Variants in CSNK2A2 observed in about 807,000 individuals in gnomAD.
CSNK2A2 encodes the protein casein kinase 2 alpha 2.
Under a neutral mutation model 54.0 loss-of-function variants are expected in CSNK2A2, and 8 were observed. The observed-to-expected ratio is 0.15, with a 90% CI of 0.09 to 0.27. The LOEUF (loss-of-function observed/expected upper bound fraction) is 0.27, where lower values mean the gene tolerates loss of function less well. Among genes scored for constraint, CSNK2A2 ranks in the 10% least tolerant of loss-of-function variants. The pLI, the probability that CSNK2A2 is intolerant of heterozygous loss-of-function variation, is 1.00. For synonymous variants in CSNK2A2, 141 were observed against 153.9 expected (o/e 0.92, Z 0.62); for missense variants, 242 against 439.4 (o/e 0.55, Z 4.02).
chr16:58,182,391 A>AAC (rs1555506376), intron 4 of CSNK2A2, among the ~76,000 whole-genome samples: 1 of 145,284 alleles, frequency 6.9e-6, no homozygotes. Context: ...AAAAAAAAAA[A>AAC]AAAAAAAAAA....
chr16:58,197,612 G>A lies in CSNK2A2; in HGVS notation c.104+21C>T. On this transcript the variant is annotated intron_variant, in intron 1 of 11. Transcript: ENST00000262506. The surrounding 1 kb of genome is among the most constrained non-coding windows in gnomAD (Gnocchi z 4.0). ...GGGGGCAGGGATCAGCGGGCCCGGC[G>A]GGGGGCGGCGACGGCTTTACCCCCA... 6.6e-7 allele frequency: 1 copy of A among 1,508,180 alleles called. No individual in the cohort carries two copies. Among genetic ancestry groups the A allele is most frequent in the Middle Eastern group, 2.1e-4 (1 of 4,706 alleles). The allele number at this position is 1,508,180 out of a possible 1,614,324, so 93.4% of individuals were successfully genotyped here.
At chr16:58,183,541 G>C (rs1244655242) in intron 4 of CSNK2A2, among the ~76,000 whole-genome samples, 1 of 152,014 alleles carries the variant, frequency 6.6e-6, no homozygotes, top group African/African-American at 2.4e-5. Flanking sequence ...TCAACTACAA[G>C]TCCTCCAAGT....
At position 58,197,729 on chromosome 16, in the gene CSNK2A2, C is replaced by A; in HGVS notation, c.8G>T (p.Gly3Val). The change falls in exon 1 of 12, where the codon GGC (glycine) becomes GTC (valine). Residue 3 changes from glycine (G) to valine (V), a missense_variant. Gly to Val is a moderately radical substitution (Grantham distance 109, BLOSUM62 -3). This residue lies in a region of CSNK2A2 where 48 missense variants were observed against 55.4 expected (regional missense o/e 0.87). Transcript: ENST00000262506. The surrounding 1 kb of genome is among the most constrained non-coding windows in gnomAD (Gnocchi z 4.0). ...CCGGGCCCTGCTGCCCGCGGCCGGG[C>A]CGGGCATGGCGGGCGGGACCGGGGG... MP[G>V]PAAGSRARVY... The A allele has an allele frequency of 1.4e-6, 2 of 1,439,368 alleles. No individual in the cohort carries two copies. Among genetic ancestry groups the A allele is most frequent in the Admixed American group, 2.5e-5 (1 of 40,382 alleles). 89.2% of individuals were successfully genotyped at this position (1,439,368 alleles called of 1,614,324 possible). A position where few individuals can be genotyped will look rare whatever the true frequency, so the allele number is the denominator to read the frequency against.
intron 4 of CSNK2A2, among the ~76,000 whole-genome samples, chr16:58,174,774 C>T (rs1222865463): frequency 6.6e-6 from 1 of 152,182 alleles, no homozygotes; most frequent in Non-Finnish European, 1.5e-5. Flanking sequence ...ATTTAATGCT[C>T]TGTGATTTTG....
chr16:58,181,635 G>T (rs536525286), intron 4 of CSNK2A2, among the ~76,000 whole-genome samples: 3 of 152,216 alleles, frequency 2.0e-5, no homozygotes, highest in African/African-American at 7.2e-5. Flanking sequence ...AAACATAAAA[G>T]AACAGGATAC....
At chr16:58,168,172 C>A (rs1224487125) in intron 6 of CSNK2A2, among the ~76,000 whole-genome samples, 1 of 152,048 alleles carries the variant, frequency 6.6e-6, no homozygotes, top group Non-Finnish European at 1.5e-5. Flanking sequence ...CATCCCACTC[C>A]AGGACTGAAG....
chr16:58,166,040 A>AT (rs1023675529), intron 9 of CSNK2A2, among the ~76,000 whole-genome samples: 29 of 152,324 alleles, frequency 1.9e-4, no homozygotes, highest in Admixed American at 2.6e-4. Flanking sequence ...CAGCAGATAT[A>AT]TTTCCCAGGG....
chr16:58,166,512 A>G, intron 9 of CSNK2A2, 72 bp downstream of exon 9: 1 of 980,560 alleles, frequency 1.0e-6, no homozygotes, highest in Non-Finnish European at 1.6e-6. Context: ...GGGAAAAGAA[A>G]GTGATTTTGG....
chr16:58,184,388 C>T, intron 3 of CSNK2A2, 78 bp from the exon 4 acceptor site: 2 of 1,004,426 alleles, frequency 2.0e-6, no homozygotes, highest in Non-Finnish European at 3.0e-6. Context: ...AATGGCCCAT[C>T]CCCAAATCCT....
chr16:58,168,015 C>T (rs1030255732), intron 6 of CSNK2A2, among the ~76,000 whole-genome samples: 18 of 152,162 alleles, frequency 1.2e-4, no homozygotes, highest in African/African-American at 4.3e-4. Context: ...TATCCTGGTT[C>T]ATCCCTCTCT....
intron 2 of CSNK2A2, among the ~76,000 whole-genome samples, chr16:58,190,685 A>T (rs1962303226): frequency 6.6e-6 from 1 of 152,248 alleles, no homozygotes; most frequent in South Asian, 2.1e-4. Flanking sequence ...TCAAAATGAT[A>T]ATCAGATACT....
intron 4 of CSNK2A2, among the ~76,000 whole-genome samples, chr16:58,181,572 T>C (rs1962042823): frequency 6.6e-6 from 1 of 151,622 alleles, no homozygotes; most frequent in African/African-American, 2.4e-5. Flanking sequence ...AGAGAAAAAG[T>C]ATGAAGGGAA....
intron 4 of CSNK2A2, among the ~76,000 whole-genome samples, chr16:58,174,872 C>T (rs571786005): frequency 2.0e-5 from 3 of 147,354 alleles, no homozygotes; most frequent in Non-Finnish European, 4.5e-5. Flanking sequence ...GAAAACTAAC[C>T]CCACTGTAAC....
intron 5 of CSNK2A2, among the ~76,000 whole-genome samples, chr16:58,170,494 C>T (rs1961705902): frequency 2.6e-5 from 4 of 151,956 alleles, no homozygotes; most frequent in Admixed American, 1.3e-4. Flanking sequence ...TGGGTAGATT[C>T]CTAGGGGTGG....
intron 8 of CSNK2A2, 44 bp downstream of exon 8, chr16:58,167,163 G>A (rs760735598): frequency 2.2e-6 from 3 of 1,394,476 alleles, no homozygotes; most frequent in South Asian, 1.2e-5. Context: ...TATTTTTTTG[G>A]CATTCACCCC....
chr16:58,185,153 G>GAA (rs59367405), intron 3 of CSNK2A2, among the ~76,000 whole-genome samples: 1 of 144,840 alleles, frequency 6.9e-6, no homozygotes, highest in East Asian at 2.0e-4. Context: ...AGGGGTTATA[G>GAA]AAAAAAAAAA....
At chr16:58,179,691 T>A (rs1196754321) in intron 4 of CSNK2A2, among the ~76,000 whole-genome samples, 1 of 152,122 alleles carries the variant, frequency 6.6e-6, no homozygotes, top group Non-Finnish European at 1.5e-5. Context: ...GCACTTCTAG[T>A]TTGAAAACTA....
Position 58,197,544 on chromosome 16 carries a change from G to A in CSNK2A2, c.104+89C>T. 2.5e-6 allele frequency: 2 copies of A among 790,812 alleles called. No homozygotes were observed. Among genetic ancestry groups the A allele is most frequent in the Non-Finnish European group, 3.8e-6 (2 of 527,228 alleles). The allele number at this position is 790,812 out of a possible 1,614,324, so 49.0% of individuals were successfully genotyped here. A position where few individuals can be genotyped will look rare whatever the true frequency, so the allele number is the denominator to read the frequency against. On this transcript the variant is annotated intron_variant, in intron 1 of 11. Transcript: ENST00000262506. The surrounding 1 kb of genome is among the most constrained non-coding windows in gnomAD (Gnocchi z 4.0). Reference sequence around the variant, plus strand: ...CGGGCCCGCGGAGGGGTCGGCGGGAGACACCACCGGGCCCGAGTGCGGTTC... The same window carrying A: ...CGGGCCCGCGGAGGGGTCGGCGGGAAACACCACCGGGCCCGAGTGCGGTTC...
At chr16:58,163,963 G>T in intron 11 of CSNK2A2, 91 bp downstream of exon 11, 4 of 1,017,356 alleles carry the variant, frequency 3.9e-6, no homozygotes, top group Non-Finnish European at 3.0e-6. Context: ...TAGAAGGAAT[G>T]ATAAGAATTT....
Sources: allele counts gnomAD v4.1 joint callset (sites outside exome capture counted in the v4.1 genomes callset), GRCh38; gene constraint gnomAD v4.1.1; regional missense constraint gnomAD v4.1.1; non-coding constraint Gnocchi (gnomAD v3.1); transcripts MANE v1.5; gene names NCBI Gene and HGNC (gene_info 2026-07-23, HGNC 2026-07-21).